Variants in SATB2 observed in about 807,000 individuals in gnomAD.
The protein encoded by SATB2 is SATB homeobox 2.
In SATB2, 1 loss-of-function variant was observed where a neutral mutation model predicts 73.4. That is an observed-to-expected ratio of 0.01 (90% CI 0.00 to 0.06). SATB2 has a LOEUF of 0.06. SATB2 is among the 10% of genes least tolerant of loss of function. SATB2 has a pLI of 1.00. For missense variants in SATB2, 459 were observed against 945.8 expected (o/e 0.49, Z 6.75); for synonymous variants, 397 against 367.0 (o/e 1.08, Z -0.93).
At chr2:199,420,567 CCT>C (rs1329955725) in intron 3 of SATB2, among the ~76,000 whole-genome samples, 2 of 152,074 alleles carry the variant, frequency 1.3e-5, no homozygotes, top group Non-Finnish European at 2.9e-5. Flanking sequence ...GTTTTAATCC[CCT>C]GATTTACAGC....
intron 2 of SATB2, among the ~76,000 whole-genome samples, chr2:199,436,631 GA>G (rs1193707358): frequency 1.3e-5 from 2 of 152,006 alleles, no homozygotes; most frequent in Non-Finnish European, 1.5e-5. Flanking sequence ...TTTTTATAAT[GA>G]AATGCAAGTT....
At chr2:199,426,385 T>C (rs574963556) in intron 3 of SATB2, among the ~76,000 whole-genome samples, 1 of 151,928 alleles carries the variant, frequency 6.6e-6, no homozygotes, top group African/African-American at 2.4e-5. Context: ...TCCTCCCGGG[T>C]TCAAGTGATT....
intron 5 of SATB2, among the ~76,000 whole-genome samples, chr2:199,379,682 C>CTT (rs71015899): frequency 0.04 from 4,342 of 108,114 alleles, 101 homozygotes; most frequent in Middle Eastern, 0.093. Context: ...CTTTTCTTTT[C>CTT]TTTTTTTTTT....
chr2:199,334,897 G>T (rs959787742), intron 7 of SATB2, among the ~76,000 whole-genome samples: 4 of 151,988 alleles, frequency 2.6e-5, no homozygotes, highest in Admixed American at 2.6e-4. Context: ...TTTCCTTCTA[G>T]ATACTCATGA....
intron 8 of SATB2, among the ~76,000 whole-genome samples, chr2:199,325,788 G>A (rs530123829): frequency 5.1e-4 from 78 of 152,164 alleles, no homozygotes; most frequent in African/African-American, 1.8e-3. Flanking sequence ...TGTAAAATGG[G>A]CATAATACCA....
chr2:199,409,650 G>GT (rs5837680), intron 3 of SATB2, among the ~76,000 whole-genome samples: 88,201 of 146,570 alleles, frequency 0.6, 27,968 homozygotes, highest in Non-Finnish European at 0.73. Context: ...ACCAAGACAA[G>GT]TTTTTTTTGT....
Position 199,464,333 on chromosome 2 carries a change from C to T in SATB2, c.-141+503G>A, listed in dbSNP as rs1431727298. On this transcript the variant is annotated intron_variant, in intron 1 of 11. Coordinates refer to the SATB2 transcript ENST00000260926. This position sits in a 1 kb window ranked among gnomAD's most constrained non-coding sequence, Gnocchi z 6.6. The stretch of plus-strand genomic sequence containing the variant: ...GAGCCACATCCGGACTTGGGAACCC[C>T]GTGTCGGGCTTAGAGGACTTCACTG... 6.6e-6 allele frequency among the ~76,000 whole-genome samples: 1 copy of T among 152,150 alleles called. No individual in the cohort carries two copies. Among genetic ancestry groups the T allele is most frequent in the African/African-American group, 2.4e-5 (1 of 41,444 alleles).
At chr2:199,431,960 A>T (rs1174174587) in intron 3 of SATB2, among the ~76,000 whole-genome samples, 1 of 152,222 alleles carries the variant, frequency 6.6e-6, no homozygotes, top group Admixed American at 6.5e-5. Flanking sequence ...TCATTTAAGT[A>T]CATAGCATGA....
chr2:199,314,532 A>G (rs1040046603), intron 9 of SATB2, among the ~76,000 whole-genome samples: 3 of 152,150 alleles, frequency 2.0e-5, no homozygotes, highest in African/African-American at 7.2e-5. Flanking sequence ...CATCTCCTGC[A>G]TGCCATGCAA....
intron 10 of SATB2, among the ~76,000 whole-genome samples, chr2:199,273,016 A>T (rs2105708276): frequency 6.6e-6 from 1 of 152,240 alleles, no homozygotes; most frequent in Non-Finnish European, 1.5e-5. Context: ...ACGACAAAGA[A>T]ATTGGGCACA....
At chr2:199,431,069 G>C (rs139717928) in intron 3 of SATB2, among the ~76,000 whole-genome samples, 3 of 152,078 alleles carry the variant, frequency 2.0e-5, no homozygotes, top group African/African-American at 7.2e-5. Flanking sequence ...TCATCTTGGA[G>C]GAATTACATA....
chr2:199,323,938 T>A lies in SATB2; in HGVS notation c.1407A>T (p.Thr469=), dbSNP rs373031055. Residue 469 remains threonine (T), a synonymous_variant, in exon 9 of 11, where the codon ACA becomes ACT. Coordinates refer to ENST00000417098, the MANE Select transcript of SATB2 (RefSeq NM_001172509.2). ...CGTCCACCTTAATAGGGAGGTCTGT[T>A]GTCGGTGTCGAGGTTTTGGCCTACC... The part of the protein sequence containing the change: ...RTPQAKTSTP[T]TDLPIKVDGA... The A allele has an allele frequency of 3.7e-6, 6 of 1,613,366 alleles. No homozygotes were observed. The African/African-American group carries it at 4.0e-5, about 11-fold the overall frequency.
At chr2:199,318,189 A>G (rs1228536541) in intron 9 of SATB2, among the ~76,000 whole-genome samples, 2 of 151,996 alleles carry the variant, frequency 1.3e-5, no homozygotes, top group African/African-American at 2.4e-5. Flanking sequence ...AGGGTATCTT[A>G]TGGCCTATAG....
intron 3 of SATB2, among the ~76,000 whole-genome samples, chr2:199,383,916 C>T (rs773096218): frequency 9.9e-5 from 15 of 152,140 alleles, no homozygotes; most frequent in Non-Finnish European, 2.1e-4. Context: ...CAGAAAGGGG[C>T]ATTACATAGG....
intron 9 of SATB2, among the ~76,000 whole-genome samples, chr2:199,312,985 A>C (rs1156682044): frequency 6.6e-6 from 1 of 152,200 alleles, no homozygotes; most frequent in Non-Finnish European, 1.5e-5. Flanking sequence ...GGAGAATAAT[A>C]ATAACTAAAT....
intron 3 of SATB2, among the ~76,000 whole-genome samples, chr2:199,400,604 A>G (rs988720315): frequency 2.0e-5 from 3 of 152,240 alleles, no homozygotes; most frequent in Non-Finnish European, 4.4e-5. Flanking sequence ...TAATGGTAAG[A>G]CAATGATTAT....
At chr2:199,434,192 T>A (rs908198487) in intron 2 of SATB2, among the ~76,000 whole-genome samples, 3 of 152,158 alleles carry the variant, frequency 2.0e-5, no homozygotes, top group African/African-American at 7.2e-5. Flanking sequence ...TAATTTACAT[T>A]TATGTCAAAA....
At chr2:199,456,389 C>G (rs1278159599) in intron 1 of SATB2, among the ~76,000 whole-genome samples, 3 of 152,238 alleles carry the variant, frequency 2.0e-5, no homozygotes, top group African/African-American at 7.2e-5. Flanking sequence ...GTGGTCCATT[C>G]ATTGGGACGG....
At position 199,334,240 on chromosome 2, in the gene SATB2, AC is replaced by A. The variant is rs577295791; in HGVS notation, c.1174-5331del. On this transcript the variant is annotated intron_variant, in intron 7 of 10. Transcript: ENST00000417098. ...TGAGCACTTCTTTAGAAACATTTGG[AC>A]TAGATAGAGAAAATAAGCCCTATCC... Among the ~76,000 whole-genome samples the A allele has an allele frequency of 6.1e-3, 932 of 152,272 alleles. 7 individuals are homozygous for A. The highest frequency in any genetic ancestry group is 0.021 in the African/African-American group (871 of 41,556).
Sources: gnomAD v4.1 joint callset for allele counts (sites outside exome capture counted in the v4.1 genomes callset) on GRCh38, gnomAD v4.1.1 for gene constraint, Gnocchi (gnomAD v3.1) non-coding constraint, MANE v1.5 for transcripts, NCBI Gene and HGNC (gene_info 2026-07-23, HGNC 2026-07-21) for gene names.